Variants in JARID2 observed in about 807,000 individuals in gnomAD.
JARID2 encodes the protein protein Jumonji.
Under a neutral mutation model 125.6 loss-of-function variants are expected in JARID2, and 21 were observed. That is an observed-to-expected ratio of 0.17 (90% confidence interval 0.12 to 0.24). The LOEUF (loss-of-function observed/expected upper bound fraction) is 0.24, where lower values mean the gene tolerates loss of function less well. Among genes scored for constraint, JARID2 ranks in the 10% least tolerant of loss-of-function variants. The pLI is 1.00. For missense variants in JARID2, 1,303 were observed against 1,639.6 expected (o/e 0.79, Z 3.55); for synonymous variants, 736 against 661.6 (o/e 1.11, Z -1.73).
intron 1 of JARID2, among the ~76,000 whole-genome samples, chr6:15,310,317 A>T (rs149087161): frequency 7.1e-4 from 108 of 152,354 alleles, no homozygotes; most frequent in African/African-American, 2.2e-3. Context: ...CTCTTTGTGG[A>T]ATGAAATTAA....
Position 15,487,440 on chromosome 6 carries a change from C to T in JARID2, c.804C>T (p.Asn268=). The T allele has an allele frequency of 6.2e-7, 1 of 1,614,260 alleles. No homozygotes were observed. Among genetic ancestry groups the T allele is most frequent in the Non-Finnish European group, 8.5e-7 (1 of 1,180,048 alleles). The change falls in exon 6 of 18, where the codon AAC becomes AAT. Residue 268 remains asparagine (N), a synonymous_variant. Coordinates refer to ENST00000341776, the MANE Select transcript of JARID2 (RefSeq NM_004973.4). ...GCCGCCGGGAGCAGGCTTCAGCTAA[C>T]CACCCCGCAGCGGCCCCCTCCACGG... ...ADSRREQASA[N]HPAAAPSTGS...
At chr6:15,492,306 C>A (rs79923817) in intron 6 of JARID2, among the ~76,000 whole-genome samples, 1 of 152,206 alleles carries the variant, frequency 6.6e-6, no homozygotes, top group African/African-American at 2.4e-5. Context: ...CTGTAGCCCA[C>A]GTCGGCGCTA....
At chr6:15,473,531 G>T (rs1302804985) in intron 5 of JARID2, among the ~76,000 whole-genome samples, 3 of 23,602 alleles carry the variant, frequency 1.3e-4, no homozygotes, top group African/African-American at 3.7e-4. Context: ...CCCCCCCCCC[G>T]CTTTGTGTCC....
intron 1 of JARID2, chr6:15,369,278 G>T: frequency 2.2e-6 from 1 of 454,928 alleles, no homozygotes; most frequent in South Asian, 1.6e-5. Flanking sequence ...TTAACCACTT[G>T]GCACAGTGTT....
intron 1 of JARID2, among the ~76,000 whole-genome samples, chr6:15,361,593 A>C (rs1763793815): frequency 1.3e-5 from 2 of 152,318 alleles, no homozygotes; most frequent in Admixed American, 6.5e-5. Flanking sequence ...TTAACTTAAA[A>C]TGAAGTTGTA....
intron 8 of JARID2, among the ~76,000 whole-genome samples, chr6:15,501,740 A>G (rs1464969153): frequency 5.9e-5 from 9 of 152,180 alleles, no homozygotes; most frequent in Non-Finnish European, 1.3e-4. Context: ...CTCCACGAAG[A>G]TACCACGAGT....
At chr6:15,517,360 T>C (rs758423570) in intron 17 of JARID2, 92 bp downstream of exon 17, 54 of 876,326 alleles carry the variant, frequency 6.2e-5, no homozygotes, top group Non-Finnish European at 9.3e-5. Context: ...GGCAGTTCTG[T>C]GCCTGGCGGG....
chr6:15,485,927 G>C lies in JARID2; in HGVS notation c.671-1380G>C, dbSNP rs116927690. Among the ~76,000 whole-genome samples the C allele has an allele frequency of 7.9e-5, 12 of 152,330 alleles. No individual in the cohort carries two copies. The East Asian group carries it at 2.3e-3, about 29-fold the overall frequency. On this transcript the variant is annotated intron_variant, in intron 5 of 17. Transcript: ENST00000341776. ...CCCCTTCTGCAAGCCAATAGGAAGA[G>C]ATTTACAACTCAAAGGAGGAATAAT...
At position 15,469,968 on chromosome 6, in the gene JARID2, A is replaced by T. The variant is rs566461636; in HGVS notation, c.670+1250A>T. Among the ~76,000 whole-genome samples the T allele has an allele frequency of 7.9e-5, 12 of 152,068 alleles. No individual in the cohort carries two copies. In the South Asian group the frequency reaches 2.5e-3, roughly 32 times the overall value. On this transcript the variant is annotated intron_variant, in intron 5 of 17. Transcript: ENST00000341776. ...CTGAGGTGGGCAGATCACGAGGTCA[A>T]GAGATCAAGACCATCCTGGCCAACA...
intron 2 of JARID2, among the ~76,000 whole-genome samples, chr6:15,381,743 A>G (rs2127528488): frequency 6.6e-6 from 1 of 152,284 alleles, no homozygotes; most frequent in South Asian, 2.1e-4. Context: ...TGTGGGAGGC[A>G]TTGTGGGTAT....
chr6:15,264,331 A>G (rs1357289263), intron 1 of JARID2, among the ~76,000 whole-genome samples: 2 of 152,202 alleles, frequency 1.3e-5, no homozygotes, highest in Non-Finnish European at 2.9e-5. Context: ...TTGTCAAAAA[A>G]TTCTTTACTG....
chr6:15,487,319 C>T lies in JARID2; in HGVS notation c.683C>T (p.Ser228Phe), dbSNP rs1206976241. Residue 228 changes from serine to phenylalanine, a missense_variant, in exon 6 of 18, where the codon TCC (serine) becomes TTC (phenylalanine). Ser to Phe is a radical substitution (Grantham distance 155). This residue lies in a region of JARID2 where 651 missense variants were observed against 581.6 expected (regional missense o/e 1.12). Transcript: ENST00000341776. ...HVHNGHVFNG[S>F]SRSTREKEPV... ...CCTTCCTTTCTAGTTTTCAATGGTT[C>T]CAGCAGGTCAACACGGGAGAAGGAA... The T allele has an allele frequency of 1.2e-6, 2 of 1,613,916 alleles. No homozygotes were observed. The highest frequency in any genetic ancestry group is 2.2e-5 in the South Asian group (2 of 91,060).
intron 6 of JARID2, among the ~76,000 whole-genome samples, chr6:15,494,313 C>CCCT (rs1770297149): frequency 6.6e-6 from 1 of 151,822 alleles, no homozygotes; most frequent in African/African-American, 2.4e-5. Flanking sequence ...CCATCCCAGA[C>CCCT]CCTCTGACTT....
At chr6:15,489,023 G>T (rs1273903628) in intron 6 of JARID2, among the ~76,000 whole-genome samples, 1 of 152,172 alleles carries the variant, frequency 6.6e-6, no homozygotes, top group East Asian at 1.9e-4. Context: ...TGTTCCCAAT[G>T]CTGTTGGTCT....
At chr6:15,449,429 T>G (rs1767817935) in intron 3 of JARID2, among the ~76,000 whole-genome samples, 1 of 151,860 alleles carries the variant, frequency 6.6e-6, no homozygotes, top group African/African-American at 2.4e-5. Context: ...GAGATAGGCT[T>G]GAGGCCAGGA....
chr6:15,362,632 T>C (rs765028605), intron 1 of JARID2, among the ~76,000 whole-genome samples: 3 of 152,186 alleles, frequency 2.0e-5, no homozygotes, highest in Non-Finnish European at 4.4e-5. Context: ...TTATGGGCTC[T>C]GCAAGGAAAT....
intron 2 of JARID2, chr6:15,400,781 T>TG (rs1413781377): frequency 5.1e-6 from 5 of 985,088 alleles, no homozygotes; most frequent in Non-Finnish European, 4.8e-6. Context: ...TCGGCCCCAT[T>TG]GCTGTTCTGG....
chr6:15,512,972 A>G lies in JARID2; in HGVS notation c.3193A>G (p.Ile1065Val). ...PFSMEKLLYQ[I>V]AQAEAKKENG... ...CTCCATGGAGAAGTTACTCTACCAG[A>G]TTGCACAAGCAGAAGCAAAAAAAGA... The change falls in exon 15 of 18, where the codon ATT becomes GTT. Residue 1065 changes from isoleucine to valine, a missense_variant. Ile to Val is a conservative substitution (Grantham distance 29). Around this residue, in one of 11 missense-constraint regions of JARID2, gnomAD observed 190 missense variants for 341.4 expected, o/e 0.56. Coordinates refer to ENST00000341776, the MANE Select transcript of JARID2 (RefSeq NM_004973.4). The G allele has an allele frequency of 6.2e-7, 1 of 1,613,822 alleles. No homozygotes were observed.
At chr6:15,388,574 A>C (rs1581490441) in intron 2 of JARID2, among the ~76,000 whole-genome samples, 1 of 126,984 alleles carries the variant, frequency 7.9e-6, no homozygotes, top group Non-Finnish European at 1.7e-5. Context: ...GAGCTATTTT[A>C]TAATATATTA....
Sources: gnomAD v4.1 joint callset for allele counts (sites outside exome capture counted in the v4.1 genomes callset) on GRCh38, gnomAD v4.1.1 for gene constraint, gnomAD v4.1.1 regional missense constraint, MANE v1.5 for transcripts, NCBI Gene and HGNC (gene_info 2026-07-23, HGNC 2026-07-21) for gene names.